The following NOL4L variants were observed in gnomAD, a reference collection of about 807,000 sequenced individuals.
NOL4L encodes the protein nucleolar protein 4 like, also known as nucleolar protein 4-like.
Under a neutral mutation model 64.5 loss-of-function variants are expected in NOL4L, and 7 were observed. The ratio of observed to expected loss-of-function variants is 0.11; its 90% CI spans 0.06 to 0.20. The LOEUF (loss-of-function observed/expected upper bound fraction) is 0.20, where lower values mean the gene tolerates loss of function less well. Among genes scored for constraint, NOL4L ranks in the 10% least tolerant of loss-of-function variants. NOL4L has a pLI of 1.00. For missense variants in NOL4L, 680 were observed against 967.1 expected, an observed-to-expected ratio of 0.70 and a Z score of 3.94; for synonymous variants, 413 against 401.0, an observed-to-expected ratio of 1.03 and a Z score of -0.36.
intron 1 of NOL4L, among the ~76,000 whole-genome samples, chr20:32,577,619 G>A (rs6057597): frequency 8.3e-4 from 126 of 152,314 alleles, no homozygotes; most frequent in African/African-American, 2.9e-3. Context: ...GCTGAGGCAG[G>A]AGGATCACTT....
intron 1 of NOL4L, among the ~76,000 whole-genome samples, chr20:32,567,865 C>T (rs1413649486): frequency 6.6e-6 from 1 of 151,988 alleles, no homozygotes; most frequent in Non-Finnish European, 1.5e-5. Flanking sequence ...ACCATCACAC[C>T]ACCATTGTCA....
intron 1 of NOL4L, among the ~76,000 whole-genome samples, chr20:32,554,442 G>C (rs1339455342): frequency 1.3e-5 from 2 of 152,042 alleles, no homozygotes; most frequent in Non-Finnish European, 2.9e-5. Context: ...CATGGGCAGA[G>C]AGACCCAGCA....
chr20:32,522,789 G>A (rs200709719), intron 2 of NOL4L, among the ~76,000 whole-genome samples: 6 of 152,178 alleles, frequency 3.9e-5, no homozygotes, highest in East Asian at 1.9e-4. Flanking sequence ...GATGCCCCTC[G>A]GCTCCCCTGA....
At chr20:32,472,263 C>T (rs745311152) in intron 5 of NOL4L, among the ~76,000 whole-genome samples, 36 of 152,352 alleles carry the variant, frequency 2.4e-4, no homozygotes, top group African/African-American at 7.9e-4. Context: ...GGGCCATGTT[C>T]GCAACCGAGT....
intron 1 of NOL4L, among the ~76,000 whole-genome samples, chr20:32,540,692 G>A (rs972532191): frequency 9.2e-5 from 14 of 152,090 alleles, no homozygotes; most frequent in Admixed American, 2.0e-4. Context: ...GTGAGATGGG[G>A]ATCCTAGCCC....
intron 4 of NOL4L, chr20:32,475,384 G>A: frequency 2.0e-6 from 2 of 981,368 alleles, no homozygotes; most frequent in African/African-American, 3.5e-5. Context: ...GGCAGGCCAG[G>A]GTTCGGACCA....
intron 2 of NOL4L, among the ~76,000 whole-genome samples, chr20:32,526,363 C>A (rs139055118): frequency 1.3e-3 from 202 of 152,210 alleles, no homozygotes; most frequent in African/African-American, 4.8e-3. Flanking sequence ...GCAGGAGGGG[C>A]GGGGAGACCA....
At chr20:32,493,828 C>T (rs755503099) in intron 4 of NOL4L, among the ~76,000 whole-genome samples, 5 of 152,192 alleles carry the variant, frequency 3.3e-5, no homozygotes, top group African/African-American at 1.2e-4. Context: ...GGTGCTGCTG[C>T]GGCCTCAGCT....
intron 5 of NOL4L, among the ~76,000 whole-genome samples, chr20:32,458,447 C>A (rs1194758177): frequency 6.6e-6 from 1 of 152,236 alleles, no homozygotes; most frequent in Non-Finnish European, 1.5e-5. Flanking sequence ...CTCATGCTCC[C>A]TTCCCCTGGC....
chr20:32,575,580 CT>C (rs1277001047), intron 1 of NOL4L, among the ~76,000 whole-genome samples: 1 of 152,038 alleles, frequency 6.6e-6, no homozygotes, highest in African/African-American at 2.4e-5. Context: ...CAGAACCCGG[CT>C]CTGAGACATC....
chr20:32,461,483 C>A (rs933899323), intron 5 of NOL4L, among the ~76,000 whole-genome samples: 9 of 139,154 alleles, frequency 6.5e-5, no homozygotes, highest in Non-Finnish European at 1.4e-4. Flanking sequence ...AGTACGGTGG[C>A]GTGATCTCGG....
intron 4 of NOL4L, among the ~76,000 whole-genome samples, chr20:32,488,896 C>CTTTCTTTCTTTCTT (rs1568649710): frequency 8.6e-6 from 1 of 116,540 alleles, no homozygotes. Context: ...TCTTTCTTTC[C>CTTTCTTTCTTTCTT]TCTCTCTTTC....
At chr20:32,497,821 C>T (rs946875955) in intron 4 of NOL4L, among the ~76,000 whole-genome samples, 2 of 152,224 alleles carry the variant, frequency 1.3e-5, no homozygotes, top group Admixed American at 6.5e-5. Flanking sequence ...AGAGCTCTGA[C>T]AGGACAGAGC....
At chr20:32,569,706 C>G (rs1979643486) in intron 1 of NOL4L, among the ~76,000 whole-genome samples, 1 of 152,124 alleles carries the variant, frequency 6.6e-6, no homozygotes, top group Non-Finnish European at 1.5e-5. Flanking sequence ...ACACCAGCCC[C>G]TAGGCTGCCC....
intron 4 of NOL4L, among the ~76,000 whole-genome samples, chr20:32,488,236 A>T (rs1481720193): frequency 6.6e-6 from 1 of 152,168 alleles, no homozygotes; most frequent in Non-Finnish European, 1.5e-5. Flanking sequence ...ATTTGGCACC[A>T]AATTTTCCTC....
intron 5 of NOL4L, among the ~76,000 whole-genome samples, chr20:32,467,732 C>T (rs1307516492): frequency 6.6e-6 from 1 of 152,172 alleles, no homozygotes; most frequent in Non-Finnish European, 1.5e-5. Context: ...AGATGATCAC[C>T]CCCAGCCCAG....
chr20:32,473,500 C>T (rs2015170558), intron 5 of NOL4L, among the ~76,000 whole-genome samples: 1 of 152,196 alleles, frequency 6.6e-6, no homozygotes, highest in African/African-American at 2.4e-5. Flanking sequence ...GCACCCCACT[C>T]CTCCTGCAGC....
chr20:32,523,782 G>A (rs1271679658), intron 2 of NOL4L, among the ~76,000 whole-genome samples: 14 of 152,176 alleles, frequency 9.2e-5, no homozygotes, highest in African/African-American at 2.9e-4. Flanking sequence ...ACTGAGTCCC[G>A]TATGTGAATT....
intron 4 of NOL4L, among the ~76,000 whole-genome samples, chr20:32,475,789 A>T (rs888904435): frequency 6.6e-6 from 1 of 151,956 alleles, no homozygotes; most frequent in African/African-American, 2.4e-5. Context: ...CCCCTCACAG[A>T]CACCTCTTTT....
Sources: allele counts gnomAD v4.1 joint callset (sites outside exome capture counted in the v4.1 genomes callset), GRCh38; gene constraint gnomAD v4.1.1; transcripts MANE v1.5; gene names NCBI Gene and HGNC (gene_info 2026-07-23, HGNC 2026-07-21).